ABCA13: variants seen among roughly 807,000 people sequenced by gnomAD.
The protein encoded by ABCA13 is ATP-binding cassette sub-family A member 13.
A neutral mutation model predicts 478.7 loss-of-function variants in ABCA13; 476 were observed. That is an observed-to-expected ratio of 0.99 (90% CI 0.92 to 1.07). The LOEUF is 1.07. ABCA13 is among the 50% of genes least tolerant of loss of function. The pLI is 0.00. For missense variants in ABCA13, 6,060 were observed against 5,910.6 expected (o/e 1.03, Z -0.83); for synonymous variants, 2,252 against 2,158.9 (o/e 1.04, Z -1.20).
intron 59 of ABCA13, among the ~76,000 whole-genome samples, chr7:48,638,200 A>G (rs927170623): frequency 2.6e-5 from 4 of 152,220 alleles, no homozygotes; most frequent in Non-Finnish European, 5.9e-5. Flanking sequence ...ATATTGAGTC[A>G]GAGTCTTTCA....
chr7:48,410,446 C>T, intron 39 of ABCA13, 74 bp from the exon 40 acceptor site: 1 of 1,570,532 alleles, frequency 6.4e-7, no homozygotes, highest in Non-Finnish European at 8.8e-7. Context: ...GATCTACCAT[C>T]CTGAGGAAAG....
intron 55 of ABCA13, among the ~76,000 whole-genome samples, chr7:48,547,245 C>T (rs915329650): frequency 6.6e-6 from 1 of 151,912 alleles, no homozygotes; most frequent in African/African-American, 2.4e-5. Context: ...GCACAGTCTT[C>T]ACATTAATGC....
At position 48,635,184 on chromosome 7, in the gene ABCA13, A is replaced by G. The variant is rs550765874; in HGVS notation, c.14838-8104A>G. ...TCACCACAGGTTCCAGTTATTAAGAACACCCTTATGGTTGAACTTCTCCAC... is the reference window on the plus strand; with the variant it reads ...TCACCACAGGTTCCAGTTATTAAGAGCACCCTTATGGTTGAACTTCTCCAC... On this transcript the variant is annotated intron_variant, in intron 59 of 61. Coordinates refer to ENST00000435803, the MANE Select transcript of ABCA13 (RefSeq NM_152701.5). Among the ~76,000 whole-genome samples, 4 of 150,448 alleles carry G rather than the reference A, an allele frequency of 2.7e-5. No individual in the cohort carries two copies. The Admixed American group carries it at 2.7e-4, about 10-fold the overall frequency.
At position 48,194,441 on chromosome 7, in the gene ABCA13, C is replaced by T. The variant is rs36138625; in HGVS notation, c.163+1389C>T. On this transcript the variant is annotated intron_variant, in intron 2 of 61. Transcript: ENST00000435803. ...ATATTGATGGTGATGATAGTGATTA[C>T]TATGTTGATGCTATCAGTTGTGATG... Among the ~76,000 whole-genome samples, 432 of 152,052 alleles carry T rather than the reference C, an allele frequency of 2.8e-3. 3 individuals carry two copies. The highest frequency in any genetic ancestry group is 0.014 in the Middle Eastern group (4 of 292).
At chr7:48,302,650 T>A (rs1300479209) in intron 23 of ABCA13, among the ~76,000 whole-genome samples, 1 of 152,192 alleles carries the variant, frequency 6.6e-6, no homozygotes, top group African/African-American at 2.4e-5. Context: ...TCCAGCTCCA[T>A]CCATGTCCCT....
chr7:48,281,244 G>A (rs1443027154), intron 18 of ABCA13, 99 bp from the exon 19 acceptor site: 19 of 926,536 alleles, frequency 2.1e-5, no homozygotes, highest in Non-Finnish European at 3.0e-5. Flanking sequence ...AGGGAGGATG[G>A]TTCTTACATG....
At chr7:48,383,235 C>T (rs1280268278) in intron 35 of ABCA13, among the ~76,000 whole-genome samples, 1 of 152,196 alleles carries the variant, frequency 6.6e-6, no homozygotes, top group Non-Finnish European at 1.5e-5. Context: ...CTGGTGACTC[C>T]TGACATTGTT....
At chr7:48,381,370 T>C (rs200666551) in intron 35 of ABCA13, among the ~76,000 whole-genome samples, 14 of 148,946 alleles carry the variant, frequency 9.4e-5, no homozygotes, top group African/African-American at 3.0e-4. Flanking sequence ...CACATACACA[T>C]ACACACACAC....
At chr7:48,564,645 T>C (rs959730287) in intron 55 of ABCA13, among the ~76,000 whole-genome samples, 31 of 151,874 alleles carry the variant, frequency 2.0e-4, no homozygotes, top group Non-Finnish European at 1.6e-4. Flanking sequence ...AATAGTAAAG[T>C]TTTGGTATTT....
chr7:48,176,190 T>A (rs1207936367), intron 1 of ABCA13, among the ~76,000 whole-genome samples: 1 of 152,174 alleles, frequency 6.6e-6, no homozygotes, highest in Non-Finnish European at 1.5e-5. Context: ...CCCGCCCAAC[T>A]GGACAGGACT....
rs187248310 is a variant in ABCA13, at chr7:48,504,181, G to A, written c.13292-2155G>A. On this transcript the variant is annotated intron_variant, in intron 48 of 61. Coordinates refer to ENST00000435803, the MANE Select transcript of ABCA13 (RefSeq NM_152701.5). ...ATATGCCTGCAGCCATAGAGTTTGG[G>A]GAAATGATAGCAATCCAGCTTTTCA... Among the ~76,000 whole-genome samples the A allele has an allele frequency of 4.1e-3, 619 of 152,254 alleles. 2 individuals carry two copies. Among genetic ancestry groups the A allele is most frequent in the South Asian group, 0.014 (66 of 4,820 alleles).
chr7:48,477,121 G>T (rs142434943), intron 45 of ABCA13, among the ~76,000 whole-genome samples: 49 of 152,228 alleles, frequency 3.2e-4, no homozygotes, highest in Non-Finnish European at 6.0e-4. Flanking sequence ...TGATATTTTG[G>T]TGGGGGGGCG....
At chr7:48,215,948 T>G (rs1786402764) in intron 3 of ABCA13, among the ~76,000 whole-genome samples, 2 of 152,212 alleles carry the variant, frequency 1.3e-5, no homozygotes, top group Admixed American at 6.5e-5. Flanking sequence ...TCCTTCATTT[T>G]AAAATTGATG....
chr7:48,487,334 CA>C (rs71006566), intron 47 of ABCA13, among the ~76,000 whole-genome samples: 65,728 of 141,050 alleles, frequency 0.47, 17,705 homozygotes, highest in African/African-American at 0.74. Flanking sequence ...CAAAACAAAA[CA>C]AAAAAAACAA....
Position 48,284,582 on chromosome 7 carries a change from C to T in ABCA13, c.8836+3130C>T, listed in dbSNP as rs375035364. Among the ~76,000 whole-genome samples, 11 of 152,182 alleles carry T rather than the reference C, an allele frequency of 7.2e-5. No individual in the cohort carries two copies. In the East Asian group the frequency reaches 1.7e-3, roughly 24 times the overall value. ...TGAAGACACAATTATCTGGACATTT[C>T]ACAGTCAGCTAATATAATGGTTTTT... On this transcript the variant is annotated intron_variant, in intron 19 of 61. Transcript: ENST00000435803.
At chr7:48,319,295 C>T (rs1326623662) in intron 27 of ABCA13, among the ~76,000 whole-genome samples, 1 of 152,142 alleles carries the variant, frequency 6.6e-6, no homozygotes, top group African/African-American at 2.4e-5. Context: ...GAGCTGATGT[C>T]TTTTTTACTT....
chr7:48,185,138 T>C (rs1039028698), intron 1 of ABCA13, among the ~76,000 whole-genome samples: 2 of 152,166 alleles, frequency 1.3e-5, no homozygotes, highest in African/African-American at 4.8e-5. Context: ...ATCTCCACTC[T>C]CAGAATAACC....
chr7:48,519,995 G>C (rs552690951), intron 52 of ABCA13, 46 bp from the exon 53 acceptor site: 1 of 1,539,352 alleles, frequency 6.5e-7, no homozygotes, highest in Non-Finnish European at 8.8e-7. Flanking sequence ...TTATGAAAAG[G>C]GGAATAGCTT....
At chr7:48,414,651 A>T (rs765366256) in intron 41 of ABCA13, among the ~76,000 whole-genome samples, 4 of 151,430 alleles carry the variant, frequency 2.6e-5, no homozygotes, top group Non-Finnish European at 5.9e-5. Flanking sequence ...ACATATATAT[A>T]TGTTCAGGGT....
Sources: allele counts gnomAD v4.1 joint callset (sites outside exome capture counted in the v4.1 genomes callset), GRCh38; gene constraint gnomAD v4.1.1; transcripts MANE v1.5; gene names NCBI Gene and HGNC (gene_info 2026-07-23, HGNC 2026-07-21).